KLHDC2: variants seen among roughly 807,000 people sequenced by gnomAD.
KLHDC2 encodes kelch domain-containing protein 2.
KLHDC2 carries 38 observed loss-of-function variants against 62.3 expected under a neutral mutation model. The ratio of observed to expected loss-of-function variants is 0.61; its 90% confidence interval spans 0.47 to 0.80. KLHDC2 has a LOEUF of 0.80. Among genes scored for constraint, KLHDC2 ranks in the 30% least tolerant of loss-of-function variants. KLHDC2 has a pLI of 0.00. For missense variants in KLHDC2, 430 were observed against 495.3 expected (o/e 0.87, Z 1.25); for synonymous variants, 159 against 161.0 (o/e 0.99, Z 0.09).
intron 1 of KLHDC2, among the ~76,000 whole-genome samples, chr14:49,770,714 TTAAA>T (rs1889645829): frequency 6.6e-6 from 1 of 152,222 alleles, no homozygotes; most frequent in Non-Finnish European, 1.5e-5. Flanking sequence ...GTTGTGAGGA[TTAAA>T]TAAAGCAATC....
chr14:49,771,482 T>C (rs1889662945), intron 1 of KLHDC2, 112 bp from the exon 2 acceptor site: 2 of 608,526 alleles, frequency 3.3e-6, no homozygotes, highest in Non-Finnish European at 3.0e-6. Context: ...TGCACTGTAA[T>C]ACCTATTTTT....
rs1261633629 is a variant in KLHDC2, at chr14:49,783,372, T to TGG, written c.*419_*420insGG. The TGG allele has an allele frequency of 1.3e-4, 19 of 151,396 alleles. No homozygotes were observed. The highest frequency in any genetic ancestry group is 4.1e-4 in the African/African-American group (17 of 41,018). The allele number at this position is 151,396 out of a possible 1,614,324, so 9.4% of individuals were successfully genotyped here. On this transcript the variant is annotated 3_prime_UTR_variant, in exon 13 of 13. Transcript: ENST00000298307. ...TTGTAAATACAATATAATAAAGGTT[T>TGG]TTTTTTTTAAACATTAATATTCACA...
At chr14:49,771,813 G>C (rs992752879) in intron 2 of KLHDC2, 140 bp downstream of exon 2, 21 of 538,246 alleles carry the variant, frequency 3.9e-5, no homozygotes, top group Non-Finnish European at 6.8e-5. Flanking sequence ...CACCAGGCTG[G>C]GGTGAAACCC....
chr14:49,777,930 T>C lies in KLHDC2; in HGVS notation c.443T>C (p.Leu148Pro), dbSNP rs1278025336. ...QGIPPSSKDK[L>P]GVWVYKNKLI... The stretch of plus-strand genomic sequence containing the variant: ...ATTCCTCCATCATCAAAGGACAAAC[T>C]TGGTGTCTGGGTATATAAAAACAAG... Residue 148 changes from leucine (L) to proline (P), a missense_variant, in exon 4 of 13, where the codon CTT (leucine) becomes CCT (proline). Transcript: ENST00000298307. The C allele has an allele frequency of 6.2e-7, 1 of 1,609,712 alleles. No individual in the cohort carries two copies. Among genetic ancestry groups the C allele is most frequent in the Admixed American group, 1.7e-5 (1 of 59,678 alleles).
Position 49,785,578 on chromosome 14 carries a change from A to G in KLHDC2, c.*2625A>G. The stretch of plus-strand genomic sequence containing the variant: ...CAATAATTTTCAAAATCCTACCTAC[A>G]GTTACATTTAAGAGAAAGAAGGCCC... On this transcript the variant is annotated 3_prime_UTR_variant, in exon 13 of 13. Transcript: ENST00000298307. 1.1e-5 allele frequency: 4 copies of G among 376,840 alleles called. No individual in the cohort carries two copies. The highest frequency in any genetic ancestry group is 1.0e-4 in the South Asian group (4 of 39,264). 23.3% of individuals were successfully genotyped at this position (376,840 alleles called of 1,614,324 possible).
chr14:49,781,358 A>C (rs1889897143), intron 10 of KLHDC2, among the ~76,000 whole-genome samples: 1 of 114,438 alleles, frequency 8.7e-6, no homozygotes, highest in Admixed American at 1.1e-4. Flanking sequence ...AACAAGAGTG[A>C]AACTCTGTCT....
rs1378160884 is a variant in KLHDC2 at position 49,783,494 on chromosome 14, T to G, written c.*541T>G. 1 of 151,636 alleles carries G rather than the reference T, an allele frequency of 6.6e-6. No homozygotes were observed. Among genetic ancestry groups the G allele is most frequent in the African/African-American group, 2.4e-5 (1 of 40,922 alleles). The allele number at this position is 151,636 out of a possible 1,614,324, so 9.4% of individuals were successfully genotyped here. A position where few individuals can be genotyped will look rare whatever the true frequency, so the allele number is the denominator to read the frequency against. On this transcript the variant is annotated 3_prime_UTR_variant, in exon 13 of 13. Transcript: ENST00000298307. ...GTGTAGGGGCTGGAGCAAGTGGTCA[T>G]GCTGAATACAGGCAGGTGCTGTCCA...
chr14:49,780,621 AC>A, intron 9 of KLHDC2, 81 bp from the exon 10 acceptor site: 2 of 950,706 alleles, frequency 2.1e-6, no homozygotes, highest in Non-Finnish European at 3.5e-6. Context: ...ATGATCTATT[AC>A]CTTTCTTGCC....
In KLHDC2 at chr14:49,784,507, T is replaced by C; in HGVS notation, c.*1554T>C. The C allele has an allele frequency of 3.2e-6, 2 of 633,860 alleles. No individual in the cohort carries two copies. The highest frequency in any genetic ancestry group is 5.5e-6 in the Non-Finnish European group (2 of 366,008). The allele number at this position is 633,860 out of a possible 1,614,324, so 39.3% of individuals were successfully genotyped here. On this transcript the variant is annotated 3_prime_UTR_variant, in exon 13 of 13. Coordinates refer to ENST00000298307, the MANE Select transcript of KLHDC2 (RefSeq NM_014315.3). ...AAAAACAAGAAGTAAGTCCTTTTGG[T>C]GAATATAGCAAGGCAATGTTTAGTT...
chr14:49,774,524 C>A, intron 2 of KLHDC2, 37 bp from the exon 3 acceptor site: 1 of 1,261,392 alleles, frequency 7.9e-7, no homozygotes, highest in Non-Finnish European at 1.2e-6. Flanking sequence ...GCATTTCTTC[C>A]CTTTAACTTA....
At position 49,784,533 on chromosome 14, in the gene KLHDC2, C is replaced by G. The variant is rs1488527433; in HGVS notation, c.*1580C>G. 2.5e-5 allele frequency: 20 copies of G among 790,076 alleles called. No homozygotes were observed. Among genetic ancestry groups the G allele is most frequent in the Non-Finnish European group, 3.7e-5 (18 of 483,874 alleles). 48.9% of individuals were successfully genotyped at this position (790,076 alleles called of 1,614,324 possible). A position where few individuals can be genotyped will look rare whatever the true frequency, so the allele number is the denominator to read the frequency against. On this transcript the variant is annotated 3_prime_UTR_variant, in exon 13 of 13. Transcript: ENST00000298307. ...GAATATAGCAAGGCAATGTTTAGTT[C>G]ATTTTTATAATGCGGAAATCCTGAT...
At chr14:49,769,166 C>T (rs967478113) in intron 1 of KLHDC2, 1 of 152,340 alleles carries the variant, frequency 6.6e-6, no homozygotes, top group Non-Finnish European at 1.5e-5. Context: ...CTGGCTTCAG[C>T]TGGGTTGAAG....
Position 49,773,342 on chromosome 14 carries a change from A to G in KLHDC2, c.234-1219A>G, listed in dbSNP as rs1220253031. 4.8e-5 allele frequency among the ~76,000 whole-genome samples: 7 copies of G among 145,658 alleles called. No homozygotes were observed. The East Asian group carries it at 1.5e-3, about 32-fold the overall frequency. ...GGCAGAAGAATGGCGTGAACCCGGAAGGCAGAGCTTGCAGTGAGCAGAGAT... is the reference window on the plus strand; with the variant it reads ...GGCAGAAGAATGGCGTGAACCCGGAGGGCAGAGCTTGCAGTGAGCAGAGAT... On this transcript the variant is annotated intron_variant, in intron 2 of 12. Coordinates refer to ENST00000298307, the MANE Select transcript of KLHDC2 (RefSeq NM_014315.3).
At chr14:49,772,864 G>A (rs1180373899) in intron 2 of KLHDC2, among the ~76,000 whole-genome samples, 2 of 152,184 alleles carry the variant, frequency 1.3e-5, no homozygotes, top group Non-Finnish European at 2.9e-5. Flanking sequence ...GCTGAGGCAG[G>A]AGAATCACCT....
Position 49,777,933 on chromosome 14 carries a change from G to C in KLHDC2, c.446G>C (p.Gly149Ala), listed in dbSNP as rs200121865. 221 of 1,607,864 alleles carry C rather than the reference G, an allele frequency of 1.4e-4. 2 individuals are homozygous for C. In the East Asian group the frequency reaches 3.5e-3, roughly 25 times the overall value. Reference sequence around the variant, plus strand: ...CCTCCATCATCAAAGGACAAACTTGGTGTCTGGGTATATAAAAACAAGTAA... The same window carrying C: ...CCTCCATCATCAAAGGACAAACTTGCTGTCTGGGTATATAAAAACAAGTAA... ...GIPPSSKDKL[G>A]VWVYKNKLIF... Residue 149 changes from glycine to alanine, a missense_variant, in exon 4 of 13, where the codon GGT (glycine) becomes GCT (alanine). By Grantham distance (60) the Gly-to-Ala change is moderately conservative. Transcript: ENST00000298307.
At chr14:49,774,291 G>T (rs142734004) in intron 2 of KLHDC2, among the ~76,000 whole-genome samples, 1 of 152,276 alleles carries the variant, frequency 6.6e-6, no homozygotes, top group Non-Finnish European at 1.5e-5. Context: ...AAAATGGTAT[G>T]CTCCTAGAAT....
In KLHDC2 at chr14:49,784,495, A is replaced by C. The variant is rs779328062; in HGVS notation, c.*1542A>C. Reference sequence around the variant, plus strand: ...ATAAAACTGGGAAAAAACAAGAAGTAAGTCCTTTTGGTGAATATAGCAAGG... The same window carrying C: ...ATAAAACTGGGAAAAAACAAGAAGTCAGTCCTTTTGGTGAATATAGCAAGG... On this transcript the variant is annotated 3_prime_UTR_variant, in exon 13 of 13. Transcript: ENST00000298307. 28 of 607,434 alleles carry C rather than the reference A, an allele frequency of 4.6e-5. No homozygotes were observed. The highest frequency in any genetic ancestry group is 1.3e-4 in the Admixed American group (4 of 30,392). 37.6% of individuals were successfully genotyped at this position (607,434 alleles called of 1,614,324 possible).
chr14:49,776,929 AG>A (rs1160667078), intron 3 of KLHDC2, among the ~76,000 whole-genome samples: 74 of 25,340 alleles, frequency 2.9e-3, no homozygotes, highest in African/African-American at 4.7e-3. Flanking sequence ...CCAAAAAAAA[AG>A]AAATATATAT....
chr14:49,768,343 A>G lies in KLHDC2; in HGVS notation c.-126A>G. ...CGAGCGCAGGCGGCAGAGAGGCCTCAACGCCGTCCCTTTCGCCACCGCCTT... is the reference window on the plus strand; with the variant it reads ...CGAGCGCAGGCGGCAGAGAGGCCTCGACGCCGTCCCTTTCGCCACCGCCTT... On this transcript the variant is annotated 5_prime_UTR_variant, in exon 1 of 13. Coordinates refer to ENST00000298307, the MANE Select transcript of KLHDC2 (RefSeq NM_014315.3). The G allele has an allele frequency of 9.0e-7, 1 of 1,111,280 alleles. No individual in the cohort carries two copies. The highest frequency in any genetic ancestry group is 1.6e-5 in the South Asian group (1 of 61,970). 68.8% of individuals were successfully genotyped at this position (1,111,280 alleles called of 1,614,324 possible).
Sources: gnomAD v4.1 joint callset for allele counts (sites outside exome capture counted in the v4.1 genomes callset) on GRCh38, gnomAD v4.1.1 for gene constraint, MANE v1.5 for transcripts, NCBI Gene and HGNC (gene_info 2026-07-23, HGNC 2026-07-21) for gene names.